The following ECSIT variants were observed in gnomAD, a reference collection of about 807,000 sequenced individuals.
ECSIT encodes evolutionarily conserved signaling intermediate in Toll pathway, mitochondrial.
ECSIT carries 29 observed loss-of-function variants against 36.8 expected under a neutral mutation model. That is an observed-to-expected ratio of 0.79 (90% confidence interval 0.59 to 1.08). The LOEUF is 1.08. ECSIT is among the 50% of genes least tolerant of loss of function. ECSIT has a pLI of 0.00. For synonymous variants in ECSIT, 231 were observed against 234.8 expected (o/e 0.98, Z 0.15); for missense variants, 542 against 581.0 (o/e 0.93, Z 0.69).
intron 4 of ECSIT, among the ~76,000 whole-genome samples, chr19:11,508,797 G>T (rs1280112656): frequency 1.3e-5 from 2 of 151,944 alleles, no homozygotes; most frequent in Non-Finnish European, 2.9e-5. Context: ...CAGGTGATCC[G>T]CCTGCCTTGG....
intron 1 of ECSIT, chr19:11,523,795 G>T: frequency 1.5e-6 from 1 of 653,318 alleles, no homozygotes. Flanking sequence ...CTCAGGCCAA[G>T]GATGTCATCC....
chr19:11,517,948 T>C (rs1046241834), intron 2 of ECSIT, among the ~76,000 whole-genome samples: 3 of 151,032 alleles, frequency 2.0e-5, no homozygotes, highest in Non-Finnish European at 4.4e-5. Context: ...ACCGAGCTCA[T>C]ACATCCTTAT....
In ECSIT at chr19:11,508,862, T is replaced by C. The variant is rs987387169; in HGVS notation, c.739-814A>G. 7.2e-5 allele frequency among the ~76,000 whole-genome samples: 11 copies of C among 152,100 alleles called. No homozygotes were observed. In the East Asian group the frequency reaches 2.1e-3, roughly 29 times the overall value. On this transcript the variant is annotated intron_variant, in intron 4 of 7. Coordinates refer to ENST00000270517, the MANE Select transcript of ECSIT (RefSeq NM_016581.5). Reference sequence around the variant, plus strand: ...AACCTAACTTTGGGTGGTTGTAAAATATGTAGCACAGTCCCTGGCAAATAA... The same window carrying C: ...AACCTAACTTTGGGTGGTTGTAAAACATGTAGCACAGTCCCTGGCAAATAA...
intron 2 of ECSIT, among the ~76,000 whole-genome samples, chr19:11,516,940 G>T (rs1400644587): frequency 6.6e-6 from 1 of 151,956 alleles, no homozygotes; most frequent in Non-Finnish European, 1.5e-5. Flanking sequence ...GATCAATTGA[G>T]ACTGGCGGGT....
In ECSIT at chr19:11,517,656, C is replaced by T. The variant is rs143547892; in HGVS notation, c.96+1419G>A. ...TAATATAGGTGGTGTAGTATTGTAC[C>T]ACTTTGGGGTAAAAATCAGAAAGGA... On this transcript the variant is annotated intron_variant, in intron 2 of 7. Transcript: ENST00000270517. Among the ~76,000 whole-genome samples the T allele has an allele frequency of 9.0e-3, 1,373 of 152,062 alleles. 8 individuals are homozygous for T. The highest frequency in any genetic ancestry group is 0.013 in the Non-Finnish European group (880 of 67,986).
At chr19:11,512,161 A>G (rs1037246413) in intron 4 of ECSIT, among the ~76,000 whole-genome samples, 1 of 152,036 alleles carries the variant, frequency 6.6e-6, no homozygotes, top group Non-Finnish European at 1.5e-5. Context: ...CCTGGGCAAC[A>G]TGGTGGAACC....
chr19:11,507,551 C>T lies in ECSIT; in HGVS notation c.957G>A (p.Glu319=). Residue 319 remains glutamate, a synonymous_variant, in exon 7 of 8, where the codon GAG becomes GAA. Coordinates refer to ENST00000270517, the MANE Select transcript of ECSIT (RefSeq NM_016581.5). Reference sequence around the variant, plus strand: ...AGTAGAGGTTCCACTCCTCCGGCGTCTCTTCCACTTCCTACTCCAAGGTGG... The same window carrying T: ...AGTAGAGGTTCCACTCCTCCGGCGTTTCTTCCACTTCCTACTCCAAGGTGG... ...LLPPEEREVE[E]TPEEWNLYYP... 1 of 1,614,124 alleles carries T rather than the reference C, an allele frequency of 6.2e-7. No homozygotes were observed. Among genetic ancestry groups the T allele is most frequent in the Non-Finnish European group, 8.5e-7 (1 of 1,180,012 alleles).
chr19:11,522,926 C>T (rs192345238), intron 1 of ECSIT, among the ~76,000 whole-genome samples: 1 of 152,002 alleles, frequency 6.6e-6, no homozygotes, highest in African/African-American at 2.4e-5. Flanking sequence ...AAAAAAATAG[C>T]CAGGCGTGGT....
chr19:11,523,567 G>A, intron 1 of ECSIT: 1 of 1,043,632 alleles, frequency 9.6e-7, no homozygotes, highest in Non-Finnish European at 1.5e-6. Context: ...CCTTAGACAA[G>A]CGCCAAGCCC....
intron 1 of ECSIT, among the ~76,000 whole-genome samples, chr19:11,520,774 G>T (rs576678817): frequency 6.7e-6 from 1 of 150,166 alleles, no homozygotes; most frequent in East Asian, 2.0e-4. Flanking sequence ...GCCTCCCGAA[G>T]TGCTGGGATT....
rs1226493841 is a variant in ECSIT at position 11,506,047 on chromosome 19, G to C, written c.*137C>G. 8 of 1,396,834 alleles carry C rather than the reference G, an allele frequency of 5.7e-6. No individual in the cohort carries two copies. Among genetic ancestry groups the C allele is most frequent in the Non-Finnish European group, 7.7e-6 (8 of 1,037,318 alleles). 86.5% of individuals were successfully genotyped at this position (1,396,834 alleles called of 1,614,324 possible). ...CTGGCAGCCCGAGATCCTGGGGAGG[G>C]GATGCCATACTGCTAGAGATGAGGG... On this transcript the variant is annotated 3_prime_UTR_variant, in exon 8 of 8. Coordinates refer to ENST00000270517, the MANE Select transcript of ECSIT (RefSeq NM_016581.5).
chr19:11,518,218 G>T (rs1972035225), intron 2 of ECSIT, among the ~76,000 whole-genome samples: 1 of 152,118 alleles, frequency 6.6e-6, no homozygotes. Flanking sequence ...CCTGAGGTCA[G>T]GAGTTTGAGA....
chr19:11,522,546 C>A, intron 1 of ECSIT: 2 of 719,066 alleles, frequency 2.8e-6, no homozygotes, highest in Admixed American at 2.5e-5. Context: ...CAGGAACGCC[C>A]CGGTAAAAAA....
chr19:11,527,979 G>A (rs1013372119), intron 1 of ECSIT, among the ~76,000 whole-genome samples: 3 of 151,962 alleles, frequency 2.0e-5, no homozygotes, highest in African/African-American at 4.8e-5. Flanking sequence ...CAGGCTTGAC[G>A]AACAAGTGAG....
At chr19:11,512,700 C>T (rs950370877) in intron 4 of ECSIT, among the ~76,000 whole-genome samples, 4 of 150,790 alleles carry the variant, frequency 2.7e-5, no homozygotes, top group East Asian at 2.0e-4. Flanking sequence ...TTTGGGAGGC[C>T]GAGGCAGGAG....
chr19:11,517,877 T>G (rs990312925), intron 2 of ECSIT, among the ~76,000 whole-genome samples: 2 of 152,064 alleles, frequency 1.3e-5, no homozygotes, highest in African/African-American at 2.4e-5. Context: ...GAAATTCAGT[T>G]TTCTGCCCCA....
rs1398642908 is a variant in ECSIT, at chr19:11,507,686, T to G, written c.945+16A>C. ...CACTCCCCAGCCCCAACACATGCTT[T>G]GCTTTAAGCCCTCACCCTCTCCTCC... On this transcript the variant is annotated intron_variant, in intron 6 of 7. Coordinates refer to ENST00000270517, the MANE Select transcript of ECSIT (RefSeq NM_016581.5). The G allele has an allele frequency of 6.2e-7, 1 of 1,613,294 alleles. No homozygotes were observed. Among genetic ancestry groups the G allele is most frequent in the East Asian group, 2.2e-5 (1 of 44,888 alleles).
Position 11,506,183 on chromosome 19 carries a change from A to C in ECSIT, c.*1T>G. ...AGCCCGTGCCCTCGCGCCGGCTCAGACTAGCTCTGGCCCTGCTGCTGTCGC... is the reference window on the plus strand; with the variant it reads ...AGCCCGTGCCCTCGCGCCGGCTCAGCCTAGCTCTGGCCCTGCTGCTGTCGC... On this transcript the variant is annotated 3_prime_UTR_variant, in exon 8 of 8. Coordinates refer to ENST00000270517, the MANE Select transcript of ECSIT (RefSeq NM_016581.5). 6.2e-7 allele frequency: 1 copy of C among 1,604,468 alleles called. No individual in the cohort carries two copies. The highest frequency in any genetic ancestry group is 1.7e-5 in the Admixed American group (1 of 60,028).
At chr19:11,515,915 A>T (rs1207274518) in intron 2 of ECSIT, 1 of 152,230 alleles carries the variant, frequency 6.6e-6, no homozygotes, top group Non-Finnish European at 1.5e-5. Context: ...TACAGATGTG[A>T]GCCACCATGC....
Sources: allele counts gnomAD v4.1 joint callset (sites outside exome capture counted in the v4.1 genomes callset), GRCh38; gene constraint gnomAD v4.1.1; transcripts MANE v1.5; gene names NCBI Gene and HGNC (gene_info 2026-07-23, HGNC 2026-07-21).